Variants in TDRD7 observed in about 807,000 individuals in gnomAD.
TDRD7 encodes the protein tudor domain-containing protein 7.
In TDRD7, 47 loss-of-function variants were observed where a neutral mutation model predicts 109.8. The observed-to-expected ratio is 0.43, with a 90% CI of 0.34 to 0.55. The LOEUF (loss-of-function observed/expected upper bound fraction) is 0.55, where lower values mean the gene tolerates loss of function less well. Ranked by LOEUF, TDRD7 falls within the 20% of genes least tolerant of loss-of-function variation. The pLI, the probability that TDRD7 is intolerant of heterozygous loss-of-function variation, is 0.03. For missense variants in TDRD7, 1,164 were observed against 1,319.2 expected, an observed-to-expected ratio of 0.88 and a Z score of 1.82; for synonymous variants, 424 against 457.3, an observed-to-expected ratio of 0.93 and a Z score of 0.93.
chr9:97,413,436 G>A (rs146906867), intron 1 of TDRD7, among the ~76,000 whole-genome samples: 1 of 152,182 alleles, frequency 6.6e-6, no homozygotes, highest in East Asian at 1.9e-4. Context: ...GCTTTTCCAA[G>A]ATAACCACTG....
intron 5 of TDRD7, among the ~76,000 whole-genome samples, chr9:97,441,182 A>G (rs2118363243): frequency 6.6e-6 from 1 of 152,300 alleles, no homozygotes; most frequent in African/African-American, 2.4e-5. Context: ...ATTCAAACTC[A>G]GGCAATTTTT....
At chr9:97,480,644 T>A in intron 13 of TDRD7, 184 bp from the exon 14 acceptor site, 1 of 635,166 alleles carries the variant, frequency 1.6e-6, no homozygotes, top group Non-Finnish European at 2.9e-6. Flanking sequence ...ACAATAGTAG[T>A]TATATAAATA....
At chr9:97,490,918 T>C (rs1205047329) in intron 16 of TDRD7, among the ~76,000 whole-genome samples, 1 of 136,404 alleles carries the variant, frequency 7.3e-6, no homozygotes, top group African/African-American at 2.7e-5. Flanking sequence ...TCTTTTTTTT[T>C]TTTTTTTTTT....
At chr9:97,490,102 T>C (rs1829277165) in intron 16 of TDRD7, among the ~76,000 whole-genome samples, 1 of 152,194 alleles carries the variant, frequency 6.6e-6, no homozygotes, top group Non-Finnish European at 1.5e-5. Flanking sequence ...CCCTATCTAA[T>C]AGATGAATTA....
intron 1 of TDRD7, among the ~76,000 whole-genome samples, chr9:97,413,961 T>C (rs1352059466): frequency 1.3e-5 from 2 of 152,220 alleles, no homozygotes; most frequent in African/African-American, 2.4e-5. Flanking sequence ...CTGTGCAATA[T>C]AATCTAGCTG....
At chr9:97,479,827 C>A (rs903146037) in intron 13 of TDRD7, among the ~76,000 whole-genome samples, 1 of 152,328 alleles carries the variant, frequency 6.6e-6, no homozygotes, top group Admixed American at 6.5e-5. Context: ...CTTCTAGCTT[C>A]TCTCTTGACA....
intron 1 of TDRD7, among the ~76,000 whole-genome samples, chr9:97,416,312 A>AT (rs1319868190): frequency 1.3e-5 from 2 of 152,222 alleles, no homozygotes; most frequent in Non-Finnish European, 2.9e-5. Flanking sequence ...GTATGAGGCC[A>AT]TTTTTTGTAG....
intron 1 of TDRD7, among the ~76,000 whole-genome samples, chr9:97,417,366 T>C (rs1159753136): frequency 6.6e-6 from 1 of 152,114 alleles, no homozygotes; most frequent in Admixed American, 6.5e-5. Flanking sequence ...GTATATATTA[T>C]ATGAAAAGAT....
Position 97,487,269 on chromosome 9 carries a change from G to A in TDRD7, c.3013G>A (p.Val1005Ile). 6.2e-7 allele frequency: 1 copy of A among 1,613,974 alleles called. No homozygotes were observed. The highest frequency in any genetic ancestry group is 8.5e-7 in the Non-Finnish European group (1 of 1,179,934). ...ACACGAATTAGTCAACATAAGAAAA[G>A]TACAGCCCCTAGTGGACATGTTCCG... ...GKHELVNIRKVQPLVDMFRKL... is the reference protein window; with the variant it reads ...GKHELVNIRKIQPLVDMFRKL... Residue 1005 changes from valine to isoleucine, a missense_variant, in exon 16 of 17, where the codon GTA becomes ATA. Val to Ile is a conservative substitution (Grantham distance 29). Coordinates refer to ENST00000355295, the MANE Select transcript of TDRD7 (RefSeq NM_014290.3).
chr9:97,467,358 CCTT>C (rs1295432669), intron 8 of TDRD7, among the ~76,000 whole-genome samples: 2 of 152,218 alleles, frequency 1.3e-5, no homozygotes, highest in African/African-American at 4.8e-5. Flanking sequence ...CTCCCTCCCT[CCTT>C]CTACTTTGGG....
At chr9:97,434,662 C>T (rs572214576) in intron 4 of TDRD7, among the ~76,000 whole-genome samples, 1 of 152,176 alleles carries the variant, frequency 6.6e-6, no homozygotes, top group South Asian at 2.1e-4. Context: ...CCAGCAGTTG[C>T]GCTCCTGGAC....
rs545161986 is a variant in TDRD7, at chr9:97,457,863, T to C, written c.856-2315T>C. ...TGGATGAAACCGGAAGCCATTATCC[T>C]CAGCAAACTAACACAGGAATGGAAA... is the stretch of plus-strand genomic sequence containing the variant. On this transcript the variant is annotated intron_variant, in intron 6 of 16. Transcript: ENST00000355295. 5.5e-4 allele frequency among the ~76,000 whole-genome samples: 84 copies of C among 152,276 alleles called. 1 individual carries two copies. The highest frequency in any genetic ancestry group is 1.8e-3 in the African/African-American group (76 of 41,550).
intron 6 of TDRD7, among the ~76,000 whole-genome samples, chr9:97,444,475 G>A (rs867701551): frequency 2.6e-5 from 4 of 152,212 alleles, no homozygotes; most frequent in South Asian, 2.1e-4. Flanking sequence ...TTACACAATG[G>A]TTATTTTCCC....
chr9:97,431,462 T>C (rs1268229864), intron 3 of TDRD7, among the ~76,000 whole-genome samples: 1 of 152,154 alleles, frequency 6.6e-6, no homozygotes, highest in East Asian at 1.9e-4. Context: ...TTCAGAAATA[T>C]ATGAATTATG....
At chr9:97,428,702 A>C in intron 2 of TDRD7, 30 bp downstream of exon 2, 5 of 1,601,786 alleles carry the variant, frequency 3.1e-6, no homozygotes, top group Non-Finnish European at 4.3e-6. Context: ...TGTCAGAAGA[A>C]TCAAACCAAT....
rs541241837 is a variant in TDRD7 at position 97,493,904 on chromosome 9, T to C, written c.3077-1759T>C. On this transcript the variant is annotated intron_variant, in intron 16 of 16. Transcript: ENST00000355295. Reference sequence around the variant, plus strand: ...AGTCAGAGTTTAAGGTTATCTCTCTTGTTCCCTGAACATTGCTGTTATCCT... The same window carrying C: ...AGTCAGAGTTTAAGGTTATCTCTCTCGTTCCCTGAACATTGCTGTTATCCT... Among the ~76,000 whole-genome samples the C allele has an allele frequency of 5.9e-5, 9 of 152,378 alleles. No individual in the cohort carries two copies. The East Asian group carries it at 1.7e-3, about 29-fold the overall frequency.
intron 1 of TDRD7, among the ~76,000 whole-genome samples, chr9:97,424,049 C>CTTTTT (rs56369544): frequency 3.7e-4 from 18 of 48,850 alleles, no homozygotes; most frequent in Non-Finnish European, 4.8e-4. Context: ...CTTTTATATT[C>CTTTTT]TTTTTTTTTT....
chr9:97,459,784 T>C, intron 6 of TDRD7, among the ~76,000 whole-genome samples: 1 of 152,216 alleles, frequency 6.6e-6, no homozygotes. Context: ...TTTTCTAGTT[T>C]TCTTCCCAGT....
At chr9:97,415,156 G>A (rs1827791504) in intron 1 of TDRD7, among the ~76,000 whole-genome samples, 1 of 152,204 alleles carries the variant, frequency 6.6e-6, no homozygotes, top group African/African-American at 2.4e-5. Flanking sequence ...CTTCTGATTT[G>A]TTTTAAGATT....
Sources: gnomAD v4.1 joint callset for allele counts (sites outside exome capture counted in the v4.1 genomes callset) on GRCh38, gnomAD v4.1.1 for gene constraint, MANE v1.5 for transcripts, NCBI Gene and HGNC (gene_info 2026-07-23, HGNC 2026-07-21) for gene names.